The following FBXL17 variants were observed in gnomAD, a reference collection of about 807,000 sequenced individuals.
FBXL17 encodes the protein F-box and leucine rich repeat protein 17.
In FBXL17, 22 loss-of-function variants were observed where a neutral mutation model predicts 66.2. That is an observed-to-expected ratio of 0.33 (90% CI 0.24 to 0.47). The LOEUF is 0.47. Among genes scored for constraint, FBXL17 ranks in the 20% least tolerant of loss-of-function variants. FBXL17 has a pLI of 1.00. For synonymous variants in FBXL17, 474 were observed against 400.5 expected (o/e 1.18, Z -2.19); for missense variants, 878 against 948.2 (o/e 0.93, Z 0.97).
chr5:108,238,038 T>C (rs1309931448), intron 4 of FBXL17, among the ~76,000 whole-genome samples: 1 of 152,258 alleles, frequency 6.6e-6, no homozygotes, highest in Admixed American at 6.5e-5. Flanking sequence ...TTTGCTTTTA[T>C]GTATTTACAT....
rs145559857 is a variant in FBXL17, at chr5:108,290,861, T to G, written c.1506+57538A>C. 1.6e-3 allele frequency among the ~76,000 whole-genome samples: 241 copies of G among 152,320 alleles called. 1 individual carries two copies. Among genetic ancestry groups the G allele is most frequent in the African/African-American group, 5.3e-3 (222 of 41,574 alleles). On this transcript the variant is annotated intron_variant, in intron 4 of 8. Coordinates refer to ENST00000542267, the MANE Select transcript of FBXL17 (RefSeq NM_001163315.3). ...GGCATATTAAGCAATTTAAAGTATA[T>G]ACGGTGATTCAATTAATGCTAATGT...
chr5:108,128,243 C>CT (rs1007310577), intron 6 of FBXL17, among the ~76,000 whole-genome samples: 23 of 100,600 alleles, frequency 2.3e-4, no homozygotes, highest in South Asian at 1.1e-3. Context: ...AAGACTCCAT[C>CT]TTTAAAAAAA....
chr5:108,054,667 T>C (rs1747617242), intron 6 of FBXL17, among the ~76,000 whole-genome samples: 1 of 152,184 alleles, frequency 6.6e-6, no homozygotes, highest in Non-Finnish European at 1.5e-5. Context: ...GTGGTTATTA[T>C]CTAAAAGATT....
intron 7 of FBXL17, among the ~76,000 whole-genome samples, chr5:107,963,565 T>C (rs1193385691): frequency 1.3e-5 from 2 of 152,164 alleles, no homozygotes; most frequent in East Asian, 3.8e-4. Context: ...CTAGTGAACT[T>C]TTCTAAACTT....
chr5:108,111,822 AG>A (rs1265842114), intron 6 of FBXL17, among the ~76,000 whole-genome samples: 1 of 152,196 alleles, frequency 6.6e-6, no homozygotes, highest in Non-Finnish European at 1.5e-5. Flanking sequence ...TTGATTACTT[AG>A]TCACTGCCCT....
At chr5:108,348,313 TA>T (rs1747407869) in intron 4 of FBXL17, 85 bp downstream of exon 4, 1 of 1,268,678 alleles carries the variant, frequency 7.9e-7, no homozygotes, top group East Asian at 2.4e-5. Context: ...CACAAGAAAA[TA>T]AGCAGAAAAA....
Position 107,907,207 on chromosome 5 carries a change from A to C in FBXL17, c.1823-26028T>G, listed in dbSNP as rs149492811. ...ACCTTGTAAAGACCTCTGAAGTGTG[A>C]CTACAGTGTAACGAATAAGGAGTAG... On this transcript the variant is annotated intron_variant, in intron 7 of 8. Coordinates refer to ENST00000542267, the MANE Select transcript of FBXL17 (RefSeq NM_001163315.3). 3.1e-3 allele frequency among the ~76,000 whole-genome samples: 473 copies of C among 152,310 alleles called. 3 individuals are homozygous for C. The highest frequency in any genetic ancestry group is 0.011 in the African/African-American group (452 of 41,582).
At chr5:107,946,253 TTTTA>T (rs1178484764) in intron 7 of FBXL17, among the ~76,000 whole-genome samples, 26 of 63,482 alleles carry the variant, frequency 4.1e-4, no homozygotes, top group African/African-American at 1.4e-3. Context: ...ATCAATCTCA[TTTTA>T]TATATATATA....
At chr5:107,872,756 G>A (rs1476656708) in intron 8 of FBXL17, among the ~76,000 whole-genome samples, 1 of 152,210 alleles carries the variant, frequency 6.6e-6, no homozygotes, top group East Asian at 1.9e-4. Context: ...TGCTTCATAG[G>A]AGGAACACTA....
In FBXL17 at chr5:108,242,067, A is replaced by C. The variant is rs188947433; in HGVS notation, c.1507-17839T>G. Among the ~76,000 whole-genome samples the C allele has an allele frequency of 5.6e-4, 86 of 152,360 alleles. No individual in the cohort carries two copies. In the East Asian group the frequency reaches 8.9e-3, roughly 16 times the overall value. On this transcript the variant is annotated intron_variant, in intron 4 of 8. Coordinates refer to ENST00000542267, the MANE Select transcript of FBXL17 (RefSeq NM_001163315.3). ...GAAGGATGTTAATGAGCAAGAATAC[A>C]TCATCTGAAGGTACAAAACTCACTT...
intron 6 of FBXL17, among the ~76,000 whole-genome samples, chr5:108,065,915 C>T (rs1395521736): frequency 1.3e-5 from 2 of 151,978 alleles, no homozygotes; most frequent in East Asian, 3.9e-4. Context: ...CATAGGAAAG[C>T]GATGGTTGTC....
Position 108,364,906 on chromosome 5 carries a change from A to C in FBXL17, c.1206T>G (p.Asn402Lys). ...ATTTAAATGCTAAAACACATACGCCATTATCAGACATACTGCGACAATCAG... is the reference window on the plus strand; with the variant it reads ...ATTTAAATGCTAAAACACATACGCCCTTATCAGACATACTGCGACAATCAG... The part of the protein sequence containing the change: ...NISDCRSMSD[N>K]GVCVLAFKCP... The change falls in exon 3 of 9, where the codon AAT becomes AAG. Residue 402 changes from asparagine to lysine, a missense_variant. Asn to Lys is a moderately conservative substitution (Grantham distance 94). Transcript: ENST00000542267. 1 of 1,612,934 alleles carries C rather than the reference A, an allele frequency of 6.2e-7. No homozygotes were observed. Among genetic ancestry groups the C allele is most frequent in the Non-Finnish European group, 8.5e-7 (1 of 1,179,132 alleles).
intron 7 of FBXL17, among the ~76,000 whole-genome samples, chr5:107,927,009 A>G (rs1750545105): frequency 6.6e-6 from 1 of 152,144 alleles, no homozygotes; most frequent in Admixed American, 6.5e-5. Context: ...TGAAAATTGC[A>G]TAAGTGAATG....
chr5:108,146,807 A>C (rs890681878), intron 6 of FBXL17, among the ~76,000 whole-genome samples: 1 of 152,214 alleles, frequency 6.6e-6, no homozygotes, highest in Admixed American at 6.5e-5. Context: ...AGGTTTCAGC[A>C]AAAAGGGATC....
In FBXL17 at chr5:108,197,065, T is replaced by C. The variant is rs150559781; in HGVS notation, c.1615-10818A>G. Among the ~76,000 whole-genome samples the C allele has an allele frequency of 3.5e-3, 531 of 152,188 alleles. 4 individuals carry two copies. Among genetic ancestry groups the C allele is most frequent in the African/African-American group, 0.012 (516 of 41,570 alleles). ...TGCTCCTCCTCTTTCACTCTGGCAGTCACACAGTCTCTAATTGAGTTTTTT... is the reference window on the plus strand; with the variant it reads ...TGCTCCTCCTCTTTCACTCTGGCAGCCACACAGTCTCTAATTGAGTTTTTT... On this transcript the variant is annotated intron_variant, in intron 5 of 8. Transcript: ENST00000542267.
chr5:107,932,206 A>G (rs1052457023), intron 7 of FBXL17, among the ~76,000 whole-genome samples: 1 of 152,336 alleles, frequency 6.6e-6, no homozygotes, highest in South Asian at 2.1e-4. Flanking sequence ...ACAGGCATCA[A>G]TAAATTTCAC....
At chr5:107,993,426 C>T (rs928188424) in intron 7 of FBXL17, among the ~76,000 whole-genome samples, 1 of 151,922 alleles carries the variant, frequency 6.6e-6, no homozygotes, top group African/African-American at 2.4e-5. Flanking sequence ...TTTATTAAAC[C>T]ACCACGTGCA....
At chr5:107,894,059 G>C (rs1190624212) in intron 7 of FBXL17, among the ~76,000 whole-genome samples, 1 of 152,154 alleles carries the variant, frequency 6.6e-6, no homozygotes, top group African/African-American at 2.4e-5. Flanking sequence ...CCTAGGAGTT[G>C]ATATAATTTG....
intron 4 of FBXL17, among the ~76,000 whole-genome samples, chr5:108,262,614 T>C (rs1182984886): frequency 6.6e-6 from 1 of 152,098 alleles, no homozygotes; most frequent in East Asian, 1.9e-4. Context: ...TGTAAAACTA[T>C]ACAGCTCATT....
Sources: gnomAD v4.1 joint callset for allele counts (sites outside exome capture counted in the v4.1 genomes callset) on GRCh38, gnomAD v4.1.1 for gene constraint, MANE v1.5 for transcripts, NCBI Gene and HGNC (gene_info 2026-07-23, HGNC 2026-07-21) for gene names.